The following MAN1A1 variants were observed in gnomAD, a reference collection of about 807,000 sequenced individuals.
MAN1A1 encodes the protein mannosyl-oligosaccharide 1,2-alpha-mannosidase IA.
MAN1A1 carries 29 observed loss-of-function variants against 70.8 expected under a neutral mutation model. The observed-to-expected ratio is 0.41, with a 90% CI of 0.31 to 0.56. The LOEUF (loss-of-function observed/expected upper bound fraction) is 0.56. Among genes scored for constraint, MAN1A1 ranks in the 20% least tolerant of loss-of-function variants. The probability of loss-of-function intolerance (pLI) is 0.29; values close to 1 mark genes in which losing one functional copy is unlikely to be tolerated. For synonymous variants in MAN1A1, 349 were observed against 330.1 expected (o/e 1.06, Z -0.62); for missense variants, 747 against 841.3 (o/e 0.89, Z 1.39).
At chr6:119,231,959 T>C (rs1774689930) in intron 6 of MAN1A1, among the ~76,000 whole-genome samples, 2 of 152,206 alleles carry the variant, frequency 1.3e-5, no homozygotes, top group Non-Finnish European at 2.9e-5. Context: ...ATTTTTTATC[T>C]TTAAATAGTG....
At position 119,349,298 on chromosome 6, in the gene MAN1A1, A is replaced by AG; in HGVS notation, c.-222-12dup. The stretch of plus-strand genomic sequence containing the variant: ...CGCTGGCTGCAGCCCCTGCGGGGAG[A>AG]GAAACAGTAAAACGTAGTAATTACG... On this transcript the variant is annotated splice_polypyrimidine_tract_variant and intron_variant, in intron 1 of 12. Transcript: ENST00000368468. 1 of 1,201,128 alleles carries AG rather than the reference A, an allele frequency of 8.3e-7. No individual in the cohort carries two copies. The highest frequency in any genetic ancestry group is 1.0e-6 in the Non-Finnish European group (1 of 968,510). 74.4% of individuals were successfully genotyped at this position (1,201,128 alleles called of 1,614,324 possible).
At chr6:119,240,498 G>A (rs563500938) in intron 6 of MAN1A1, among the ~76,000 whole-genome samples, 6 of 152,204 alleles carry the variant, frequency 3.9e-5, no homozygotes, top group South Asian at 2.1e-4. Context: ...AATGAGGACC[G>A]CTACAGCCTG....
At position 119,334,050 on chromosome 6, in the gene MAN1A1, C is replaced by T. The variant is rs112264489; in HGVS notation, c.603+14413G>A. ...ACCTGTTTTAAACTTCCTATTTCAGCTCATCCTACTATGCTATATCTTGGA... is the reference window on the plus strand; with the variant it reads ...ACCTGTTTTAAACTTCCTATTTCAGTTCATCCTACTATGCTATATCTTGGA... On this transcript the variant is annotated intron_variant, in intron 2 of 12. Coordinates refer to ENST00000368468, the MANE Select transcript of MAN1A1 (RefSeq NM_005907.4). 6.3e-3 allele frequency among the ~76,000 whole-genome samples: 962 copies of T among 152,332 alleles called. 6 individuals are homozygous for T. Among genetic ancestry groups the T allele is most frequent in the African/African-American group, 0.022 (911 of 41,570 alleles).
chr6:119,291,254 T>C (rs1776536047), intron 4 of MAN1A1, among the ~76,000 whole-genome samples: 1 of 152,036 alleles, frequency 6.6e-6, no homozygotes, highest in African/African-American at 2.4e-5. Context: ...TTGCCATCCA[T>C]GTAAGTTATG....
chr6:119,339,880 C>G (rs1280354224), intron 2 of MAN1A1, among the ~76,000 whole-genome samples: 4 of 152,096 alleles, frequency 2.6e-5, no homozygotes, highest in Non-Finnish European at 1.5e-5. Context: ...CACTTGAGAT[C>G]AGGAATTTGA....
chr6:119,265,104 T>A (rs1040285722), intron 5 of MAN1A1, among the ~76,000 whole-genome samples: 2 of 41,738 alleles, frequency 4.8e-5, no homozygotes, highest in Admixed American at 2.0e-4. Context: ...TTTTTTAAAT[T>A]TTTTTTTTTT....
At chr6:119,350,172 G>T (rs1233837702), upstream of MAN1A1, among the ~76,000 whole-genome samples, 1 of 152,170 alleles carries the variant, frequency 6.6e-6, no homozygotes, top group Non-Finnish European at 1.5e-5. Context: ...TCCGACCCGT[G>T]CGGGGCGGTC....
At chr6:119,228,911 G>A (rs896815022) in intron 6 of MAN1A1, among the ~76,000 whole-genome samples, 4 of 151,966 alleles carry the variant, frequency 2.6e-5, no homozygotes, top group African/African-American at 4.8e-5. Context: ...GCCTCCCAGC[G>A]TTCAATTCTC....
At chr6:119,331,546 G>T (rs195074) in intron 2 of MAN1A1, among the ~76,000 whole-genome samples, 1 of 126,356 alleles carries the variant, frequency 7.9e-6, no homozygotes, top group East Asian at 2.1e-4. Context: ...TTATATACAC[G>T]CACATAACCA....
intron 5 of MAN1A1, among the ~76,000 whole-genome samples, chr6:119,255,835 T>C (rs1775442482): frequency 6.6e-6 from 1 of 152,224 alleles, no homozygotes; most frequent in East Asian, 1.9e-4. Flanking sequence ...TCTGTTTCTG[T>C]AATTGATCAA....
intron 2 of MAN1A1, among the ~76,000 whole-genome samples, chr6:119,336,153 T>C (rs2114500714): frequency 6.6e-6 from 1 of 152,304 alleles, no homozygotes; most frequent in South Asian, 2.1e-4. Flanking sequence ...CACTGCAACC[T>C]CCGCCTCCTG....
At chr6:119,201,430 G>T in intron 7 of MAN1A1, 83 bp from the exon 8 acceptor site, 2 of 863,496 alleles carry the variant, frequency 2.3e-6, no homozygotes, top group Middle Eastern at 2.9e-4. Context: ...CATACAAGTT[G>T]ACTTAAATGA....
chr6:119,312,053 C>T (rs1772723021), intron 2 of MAN1A1, among the ~76,000 whole-genome samples: 1 of 152,106 alleles, frequency 6.6e-6, no homozygotes, highest in South Asian at 2.1e-4. Flanking sequence ...ACTTATATAA[C>T]AGTCCGCTGT....
intron 5 of MAN1A1, among the ~76,000 whole-genome samples, chr6:119,259,819 G>A (rs1354265493): frequency 3.3e-5 from 5 of 152,044 alleles, no homozygotes; most frequent in African/African-American, 1.2e-4. Flanking sequence ...ACTTAGAGAA[G>A]TTCTCTTTTT....
rs931350274 is a variant in MAN1A1, at chr6:119,178,297, T to C, written c.*1522A>G. ...TTCAATAATATTAGGTGGAACCATA[T>C]GAAACTGCTGACAGTTTTTAAACTA... On this transcript the variant is annotated 3_prime_UTR_variant, in exon 13 of 13. Transcript: ENST00000368468. 2 of 152,142 alleles carry C rather than the reference T, an allele frequency of 1.3e-5. No homozygotes were observed. The highest frequency in any genetic ancestry group is 3.8e-4 in the East Asian group (2 of 5,198). The allele number at this position is 152,142 out of a possible 1,614,324, so 9.4% of individuals were successfully genotyped here.
rs1252475940 is a variant in MAN1A1, at chr6:119,180,353, A to G, written c.1794T>C (p.Tyr598=). 4 of 1,613,852 alleles carry G rather than the reference A, an allele frequency of 2.5e-6. No homozygotes were observed. The highest frequency in any genetic ancestry group is 3.4e-6 in the Non-Finnish European group (4 of 1,179,912). The stretch of plus-strand genomic sequence containing the variant: ...GGAAGAAACTCTGCTGCACATCATC[A>G]TAACTCTCATGAAGAAGGTAAACAT... The part of the protein sequence containing the change: ...LRDVYLLHES[Y]DDVQQSFFLA... The change falls in exon 12 of 13, where the codon TAT becomes TAC. Residue 598 remains tyrosine (Y), a synonymous_variant. Transcript: ENST00000368468.
chr6:119,333,614 C>T (rs1158690934), intron 2 of MAN1A1, among the ~76,000 whole-genome samples: 1 of 152,198 alleles, frequency 6.6e-6, no homozygotes, highest in Non-Finnish European at 1.5e-5. Context: ...GAACTAACAC[C>T]TGATTACCTG....
intron 7 of MAN1A1, among the ~76,000 whole-genome samples, chr6:119,202,853 C>T (rs1189485343): frequency 2.6e-5 from 4 of 152,164 alleles, no homozygotes; most frequent in Admixed American, 6.5e-5. Flanking sequence ...GAACTGCATA[C>T]CCCTAATTTC....
chr6:119,193,784 G>A lies in MAN1A1; in HGVS notation c.1319C>T (p.Ala440Val). 6.2e-7 allele frequency: 1 copy of A among 1,610,236 alleles called. No homozygotes were observed. The highest frequency in any genetic ancestry group is 1.1e-5 in the South Asian group (1 of 90,794). ...DLEAKKMYFDAVQAIETHLIR... is the reference protein window; with the variant it reads ...DLEAKKMYFDVVQAIETHLIR... Reference sequence around the variant, plus strand: ...ATTTAAATATTGGGTTACCTGAACAGCATCAAAATACATCTTCTTAGCTTC... The same window carrying A: ...ATTTAAATATTGGGTTACCTGAACAACATCAAAATACATCTTCTTAGCTTC... Residue 440 changes from alanine to valine, a missense_variant, in exon 9 of 13, where the codon GCT (alanine) becomes GTT (valine). Physicochemically the swap from Ala to Val is moderately conservative, Grantham distance 64. Around this residue, in one of 2 missense-constraint regions of MAN1A1, gnomAD observed 419 missense variants for 548.2 expected, o/e 0.76. Coordinates refer to ENST00000368468, the MANE Select transcript of MAN1A1 (RefSeq NM_005907.4).
Sources: allele counts gnomAD v4.1 joint callset (sites outside exome capture counted in the v4.1 genomes callset), GRCh38; gene constraint gnomAD v4.1.1; regional missense constraint gnomAD v4.1.1; transcripts MANE v1.5; gene names NCBI Gene and HGNC (gene_info 2026-07-23, HGNC 2026-07-21).